Variants in CNTN1 observed in about 807,000 individuals in gnomAD.
The protein encoded by CNTN1 is contactin-1.
Under a neutral mutation model 126.4 loss-of-function variants are expected in CNTN1, and 38 were observed. The observed-to-expected ratio is 0.30, with a 90% CI of 0.23 to 0.39. The LOEUF is 0.39. CNTN1 is among the 10% of genes least tolerant of loss of function. CNTN1 has a pLI of 1.00. For synonymous variants in CNTN1, 413 were observed against 422.6 expected, an observed-to-expected ratio of 0.98 and a Z score of 0.28; for missense variants, 1,009 against 1,248.4, an observed-to-expected ratio of 0.81 and a Z score of 2.89.
chr12:40,846,806 C>G (rs1256774887), intron 1 of CNTN1, among the ~76,000 whole-genome samples: 1 of 152,170 alleles, frequency 6.6e-6, no homozygotes, highest in Non-Finnish European at 1.5e-5. Flanking sequence ...ATTCTCCTGC[C>G]TCAGGCTCCC....
chr12:41,069,848 AC>A (rs1307957071), intron 23 of CNTN1, 110 bp from the exon 24 acceptor site: 7 of 808,868 alleles, frequency 8.7e-6, no homozygotes, highest in Non-Finnish European at 1.5e-5. Flanking sequence ...TTGTGAAAGG[AC>A]CCATTTGTTT....
intron 1 of CNTN1, among the ~76,000 whole-genome samples, chr12:40,897,915 A>G (rs938684429): frequency 2.0e-5 from 3 of 152,214 alleles, no homozygotes; most frequent in South Asian, 4.1e-4. Flanking sequence ...AGTTCAACAC[A>G]TGGCATTTAA....
At chr12:41,040,073 T>G (rs1485090169) in intron 23 of CNTN1, among the ~76,000 whole-genome samples, 1 of 152,046 alleles carries the variant, frequency 6.6e-6, no homozygotes, top group East Asian at 1.9e-4. Context: ...ATTCTGCAGA[T>G]GTGTTAGGAA....
chr12:40,722,320 C>T (rs1300156385), intron 1 of CNTN1, among the ~76,000 whole-genome samples: 1 of 152,124 alleles, frequency 6.6e-6, no homozygotes, highest in Non-Finnish European at 1.5e-5. Context: ...TCACAATATT[C>T]AGTTTTTGCT....
Position 41,036,165 on chromosome 12 carries a change from C to A in CNTN1, c.2980+6946C>A, listed in dbSNP as rs539917563. Among the ~76,000 whole-genome samples the A allele has an allele frequency of 2.0e-3, 306 of 152,180 alleles. 4 individuals carry two copies. The highest frequency in any genetic ancestry group is 3.4e-3 in the Middle Eastern group (1 of 294). ...GAAGCAAAGCAAATCATGACAAGATCTTTTCCAGGATAAATGGTTAAAGAG... is the reference window on the plus strand; with the variant it reads ...GAAGCAAAGCAAATCATGACAAGATATTTTCCAGGATAAATGGTTAAAGAG... On this transcript the variant is annotated intron_variant, in intron 23 of 23. Coordinates refer to ENST00000551295, the MANE Select transcript of CNTN1 (RefSeq NM_001843.4).
At chr12:41,043,871 T>C (rs1262882229) in intron 23 of CNTN1, among the ~76,000 whole-genome samples, 3 of 148,674 alleles carry the variant, frequency 2.0e-5, no homozygotes, top group Admixed American at 1.3e-4. Flanking sequence ...AAATTGGAAA[T>C]CATCATTCTC....
At chr12:40,918,869 C>A in intron 4 of CNTN1, 98 bp downstream of exon 4, 1 of 1,433,736 alleles carries the variant, frequency 7.0e-7, no homozygotes, top group Non-Finnish European at 9.8e-7. Flanking sequence ...GTGCTTTCTG[C>A]AAATTCCATG....
chr12:40,883,712 T>A (rs1943943656), intron 1 of CNTN1, among the ~76,000 whole-genome samples: 1 of 151,626 alleles, frequency 6.6e-6, no homozygotes, highest in East Asian at 1.9e-4. Context: ...AATAATCTAT[T>A]AACTGTGTAT....
chr12:40,868,607 C>T (rs537758638), intron 1 of CNTN1, among the ~76,000 whole-genome samples: 1 of 152,222 alleles, frequency 6.6e-6, no homozygotes, highest in South Asian at 2.1e-4. Flanking sequence ...CCCGGAACTA[C>T]TTTCACCTCC....
At chr12:40,858,386 A>G (rs890177960) in intron 1 of CNTN1, among the ~76,000 whole-genome samples, 13 of 152,176 alleles carry the variant, frequency 8.5e-5, no homozygotes, top group Admixed American at 8.5e-4. Context: ...AACAAACAAT[A>G]TGAAAAAAAG....
chr12:40,936,930 G>A (rs2136930129), intron 10 of CNTN1, 25 bp downstream of exon 10: 3 of 1,611,804 alleles, frequency 1.9e-6, no homozygotes, highest in Non-Finnish European at 2.5e-6. Flanking sequence ...GTGCTTTGCT[G>A]TTCCTGAGTC....
rs143712164 is a variant in CNTN1 at position 40,756,679 on chromosome 12, G to C, written c.-77+64087G>C. 3.4e-3 allele frequency among the ~76,000 whole-genome samples: 510 copies of C among 152,200 alleles called. 3 individuals carry two copies. The highest frequency in any genetic ancestry group is 0.012 in the African/African-American group (480 of 41,532). ...TGCTTTCCCCTAGATCTTGCAAATA[G>C]TTTGCTCCTCTTTATTAATTAGTTC... is the stretch of plus-strand genomic sequence containing the variant. On this transcript the variant is annotated intron_variant, in intron 1 of 23. Transcript: ENST00000551295.
intron 6 of CNTN1, 96 bp from the exon 7 acceptor site, chr12:40,929,700 A>T: frequency 1.1e-6 from 1 of 899,798 alleles, no homozygotes. Context: ...AATAGCCTTT[A>T]TTAGATTAAG....
At chr12:40,902,514 C>G (rs55653124) in intron 1 of CNTN1, among the ~76,000 whole-genome samples, 30,247 of 151,944 alleles carry the variant, frequency 0.2, 5,328 homozygotes, top group African/African-American at 0.48. Flanking sequence ...TGAACTTTCA[C>G]GAGGTTGAAA....
chr12:40,768,415 T>A (rs1336402029), intron 1 of CNTN1, among the ~76,000 whole-genome samples: 1 of 151,916 alleles, frequency 6.6e-6, no homozygotes, highest in Non-Finnish European at 1.5e-5. Context: ...AAATCCCTTA[T>A]AAGCACACAC....
Position 40,835,282 on chromosome 12 carries a change from C to A in CNTN1, c.-76-73075C>A, listed in dbSNP as rs554679436. Among the ~76,000 whole-genome samples the A allele has an allele frequency of 2.0e-5, 3 of 152,182 alleles. No homozygotes were observed. In the South Asian group the frequency reaches 6.2e-4, roughly 32 times the overall value. On this transcript the variant is annotated intron_variant, in intron 1 of 23. Coordinates refer to ENST00000551295, the MANE Select transcript of CNTN1 (RefSeq NM_001843.4). Reference sequence around the variant, plus strand: ...AAGCACTTAGTATAATTGTGTAGTGCAGTTTTGCACTTTTTAAATGACAGC... The same window carrying A: ...AAGCACTTAGTATAATTGTGTAGTGAAGTTTTGCACTTTTTAAATGACAGC...
At chr12:40,837,875 C>T (rs1942120717) in intron 1 of CNTN1, among the ~76,000 whole-genome samples, 1 of 152,136 alleles carries the variant, frequency 6.6e-6, no homozygotes, top group African/African-American at 2.4e-5. Flanking sequence ...GGGCTAGGGC[C>T]TGAGCTAGGC....
At chr12:40,738,663 G>A (rs1342413661) in intron 1 of CNTN1, among the ~76,000 whole-genome samples, 2 of 151,900 alleles carry the variant, frequency 1.3e-5, no homozygotes, top group Non-Finnish European at 2.9e-5. Flanking sequence ...TTAATAAAGG[G>A]TCAAATATTG....
intron 1 of CNTN1, among the ~76,000 whole-genome samples, chr12:40,741,332 A>C (rs1937935448): frequency 6.6e-6 from 1 of 152,132 alleles, no homozygotes; most frequent in Admixed American, 6.6e-5. Context: ...GAATCAAACC[A>C]TAATCCGTAT....
Sources: gnomAD v4.1 joint callset for allele counts (sites outside exome capture counted in the v4.1 genomes callset) on GRCh38, gnomAD v4.1.1 for gene constraint, MANE v1.5 for transcripts, NCBI Gene and HGNC (gene_info 2026-07-23, HGNC 2026-07-21) for gene names.